Variants in PCDH11X observed in about 807,000 individuals in gnomAD.
PCDH11X encodes protocadherin 11 X-linked, also known as protocadherin-11 X-linked.
In PCDH11X, 18 loss-of-function variants were observed where a neutral mutation model predicts 53.3. That is an observed-to-expected ratio of 0.34 (90% CI 0.23 to 0.50). The LOEUF is 0.50. Ranked by LOEUF, PCDH11X falls within the 20% of genes least tolerant of loss-of-function variation. The pLI is 0.98. For synonymous variants in PCDH11X, 279 were observed against 393.3 expected, an observed-to-expected ratio of 0.71 and a Z score of 3.44; for missense variants, 570 against 1,032.4, an observed-to-expected ratio of 0.55 and a Z score of 6.14.
At chrX:91,942,183 G>A (rs1310190668) in intron 6 of PCDH11X, among the ~76,000 whole-genome samples, 1 of 109,103 alleles carries the variant, frequency 9.2e-6, no homozygotes, top group African/African-American at 3.3e-5. Context: ...AAACACAAAG[G>A]AATCACCCGC....
At chrX:91,801,790 C>G (rs2147541545) in intron 1 of PCDH11X, among the ~76,000 whole-genome samples, 1 of 111,749 alleles carries the variant, frequency 8.9e-6, no homozygotes, top group South Asian at 3.7e-4. Context: ...GTTATCAGTC[C>G]TCCAGGTGTT....
chrX:91,797,562 CATTAAATAACTA>C (rs955190500), intron 1 of PCDH11X, among the ~76,000 whole-genome samples: 1 of 109,762 alleles, frequency 9.1e-6, no homozygotes, highest in African/African-American at 3.3e-5. Context: ...TGTCTCTCAG[CATTAAATAACTA>C]AATAACATTT....
intron 6 of PCDH11X, among the ~76,000 whole-genome samples, chrX:91,950,793 T>G (rs2061631944): frequency 9.1e-6 from 1 of 110,011 alleles, no homozygotes; most frequent in Non-Finnish European, 1.9e-5. Flanking sequence ...GTCCGCTTTG[T>G]TCCTTCTGTA....
rs200350271 is a variant in PCDH11X at position 92,304,970 on chromosome X, A to ATT, written c.3144+41836_3144+41837dup. Among the ~76,000 whole-genome samples, 329 of 105,713 alleles carry ATT rather than the reference A, an allele frequency of 3.1e-3. 3 individuals are homozygous for ATT. Among genetic ancestry groups the ATT allele is most frequent in the African/African-American group, 7.7e-3 (224 of 29,208 alleles). 91.8% of individuals were successfully genotyped at this position (105,713 alleles called of 115,157 possible). ...TTGCAATGAATATAATCTTGCAGCC[A>ATT]TTTTTTTTTTGCTGTATCCCAAGAG... is the stretch of plus-strand genomic sequence containing the variant. On this transcript the variant is annotated intron_variant, in intron 8 of 10. Coordinates refer to ENST00000682573, the MANE Select transcript of PCDH11X (RefSeq NM_032968.5).
chrX:92,557,885 G>A (rs1354426736), intron 10 of PCDH11X, among the ~76,000 whole-genome samples: 1 of 108,965 alleles, frequency 9.2e-6, no homozygotes, highest in Admixed American at 9.9e-5. Context: ...TCACAGTTCT[G>A]CATTGCTGGG....
At chrX:92,500,509 T>C (rs1383487995) in intron 10 of PCDH11X, among the ~76,000 whole-genome samples, 1 of 111,195 alleles carries the variant, frequency 9.0e-6, no homozygotes, top group Non-Finnish European at 1.9e-5. Flanking sequence ...TGTCAGACAC[T>C]TGTAATAACA....
intron 6 of PCDH11X, among the ~76,000 whole-genome samples, chrX:92,013,273 A>C (rs1384301165): frequency 3.1e-4 from 35 of 111,854 alleles, no homozygotes; most frequent in East Asian, 2.3e-3. Flanking sequence ...GAGTGAACTC[A>C]CATTCACAAT....
Position 92,326,645 on chromosome X carries a change from G to T in PCDH11X, c.3145-61090G>T, listed in dbSNP as rs373643429. Among the ~76,000 whole-genome samples, 302 of 50,510 alleles carry T rather than the reference G, an allele frequency of 6.0e-3. 4 individuals carry two copies. The highest frequency in any genetic ancestry group is 7.7e-3 in the African/African-American group (61 of 7,909). 43.9% of individuals were successfully genotyped at this position (50,510 alleles called of 115,157 possible). On this transcript the variant is annotated intron_variant, in intron 8 of 10. Coordinates refer to ENST00000682573, the MANE Select transcript of PCDH11X (RefSeq NM_032968.5). ...AACTATATATATATATATATAGAGA[G>T]AGAGAGAGAGAGAGAGAGAAAGAGA...
At chrX:92,275,368 G>A (rs992635559) in intron 8 of PCDH11X, among the ~76,000 whole-genome samples, 19 of 107,810 alleles carry the variant, frequency 1.8e-4, no homozygotes, top group South Asian at 4.2e-4. Context: ...GAATTATGCC[G>A]AGATAGGTAA....
chrX:91,809,897 C>A (rs1425630484), intron 2 of PCDH11X, among the ~76,000 whole-genome samples: 2 of 110,817 alleles, frequency 1.8e-5, no homozygotes, highest in Non-Finnish European at 3.8e-5. Flanking sequence ...ATAGGATTAC[C>A]ACTTCCCATA....
intron 9 of PCDH11X, among the ~76,000 whole-genome samples, chrX:92,461,337 A>G (rs1248306260): frequency 1.8e-5 from 2 of 108,678 alleles, no homozygotes; most frequent in Non-Finnish European, 3.8e-5. Flanking sequence ...CCAAAACAGC[A>G]TGGTACTGGC....
intron 8 of PCDH11X, among the ~76,000 whole-genome samples, chrX:92,328,045 A>T (rs1224932663): frequency 9.2e-6 from 1 of 108,604 alleles, no homozygotes; most frequent in African/African-American, 3.4e-5. Flanking sequence ...CCTTCACCTG[A>T]AACAACAAAG....
At chrX:92,247,732 C>T (rs753871031) in intron 7 of PCDH11X, among the ~76,000 whole-genome samples, 3 of 111,833 alleles carry the variant, frequency 2.7e-5, no homozygotes, top group Non-Finnish European at 3.8e-5. Flanking sequence ...GGACGTCAGT[C>T]GTTGGATCTA....
At chrX:92,087,055 T>C (rs1191582155) in intron 6 of PCDH11X, among the ~76,000 whole-genome samples, 2 of 109,584 alleles carry the variant, frequency 1.8e-5, no homozygotes. Context: ...CTCATGAAGC[T>C]TTAGGGTGGT....
chrX:92,012,414 T>C lies in PCDH11X; in HGVS notation c.3033+133141T>C, dbSNP rs1272144554. ...GTGCTGCTTTAGGAACCATATTCTCTTTGTAATTGGCTTCTGTAAGAGGAC... is the reference window on the plus strand; with the variant it reads ...GTGCTGCTTTAGGAACCATATTCTCCTTGTAATTGGCTTCTGTAAGAGGAC... On this transcript the variant is annotated intron_variant, in intron 6 of 10. Transcript: ENST00000682573. Among the ~76,000 whole-genome samples the C allele has an allele frequency of 2.7e-5, 3 of 111,290 alleles. No individual in the cohort carries two copies. The Admixed American group carries it at 2.9e-4, about 11-fold the overall frequency.
chrX:92,286,785 A>G (rs2068384295), intron 8 of PCDH11X, among the ~76,000 whole-genome samples: 1 of 89,069 alleles, frequency 1.1e-5, no homozygotes, highest in South Asian at 6.2e-4. Flanking sequence ...GCAAGAAGGA[A>G]TTATAATCTA....
At chrX:92,033,863 CT>C (rs746896789) in intron 6 of PCDH11X, among the ~76,000 whole-genome samples, 67 of 101,014 alleles carry the variant, frequency 6.6e-4, no homozygotes, top group South Asian at 1.3e-3. Context: ...TTTTCTTTTT[CT>C]TTTTTTTTTT....
intron 8 of PCDH11X, among the ~76,000 whole-genome samples, chrX:92,350,818 T>C (rs12860200): frequency 8.9e-6 from 1 of 111,876 alleles, no homozygotes; most frequent in Non-Finnish European, 1.9e-5. Context: ...TATCAAGATG[T>C]GCATAAAAAT....
intron 10 of PCDH11X, among the ~76,000 whole-genome samples, chrX:92,567,928 T>C (rs3950860): frequency 0.34 from 36,451 of 108,263 alleles, 4,687 homozygotes; most frequent in Non-Finnish European, 0.36. Flanking sequence ...GGATGATCCA[T>C]GCGACAAACC....
Sources: gnomAD v4.1 joint callset for allele counts (sites outside exome capture counted in the v4.1 genomes callset) on GRCh38, gnomAD v4.1.1 for gene constraint, MANE v1.5 for transcripts, NCBI Gene and HGNC (gene_info 2026-07-23, HGNC 2026-07-21) for gene names.